KIF1A: variants seen among roughly 807,000 people sequenced by gnomAD.
KIF1A encodes the protein kinesin-like protein KIF1A.
A neutral mutation model predicts 227.3 loss-of-function variants in KIF1A; 46 were observed. That is an observed-to-expected ratio of 0.20 (90% confidence interval 0.16 to 0.26). The LOEUF (loss-of-function observed/expected upper bound fraction) is 0.26. KIF1A is among the 10% of genes least tolerant of loss of function. The pLI is 1.00. For missense variants in KIF1A, 1,683 were observed against 2,485.9 expected (o/e 0.68, Z 6.87); for synonymous variants, 1,022 against 1,012.8 (o/e 1.01, Z -0.17).
chr2:240,746,280 C>T, intron 29 of KIF1A, 103 bp from the exon 30 acceptor site: 2 of 1,411,510 alleles, frequency 1.4e-6, no homozygotes, highest in Non-Finnish European at 1.9e-6. Flanking sequence ...CACCCAGAGC[C>T]TGGGCTGGGG....
chr2:240,717,180 C>A lies in KIF1A; in HGVS notation c.*184G>T, dbSNP rs954396239. The A allele has an allele frequency of 3.6e-6, 2 of 560,108 alleles. No homozygotes were observed. The highest frequency in any genetic ancestry group is 6.3e-6 in the Non-Finnish European group (2 of 315,142). The allele number at this position is 560,108 out of a possible 1,614,324, so 34.7% of individuals were successfully genotyped here. ...CTGCAAGAAGAACTGACACGCACAG[C>A]CTCTGCTGGGAGCACAGCTGGTCGT... is the stretch of plus-strand genomic sequence containing the variant. On this transcript the variant is annotated 3_prime_UTR_variant, in exon 49 of 49. Transcript: ENST00000498729.
chr2:240,782,145 C>T lies in KIF1A; in HGVS notation c.882+445G>A, dbSNP rs1036454809. On this transcript the variant is annotated intron_variant, in intron 10 of 48. Coordinates refer to ENST00000498729, the MANE Select transcript of KIF1A (RefSeq NM_001244008.2). ...AGGCAGCTTCACACGTGGCGCGCTC[C>T]GCGGCACCTCCGACTCCACACGCGC... 144 of 985,360 alleles carry T rather than the reference C, an allele frequency of 1.5e-4. No homozygotes were observed. The Middle Eastern group carries it at 1.6e-3, about 11-fold the overall frequency. 61.0% of individuals were successfully genotyped at this position (985,360 alleles called of 1,614,324 possible). A position where few individuals can be genotyped will look rare whatever the true frequency, so the allele number is the denominator to read the frequency against.
chr2:240,731,357 G>A (rs1446161842), intron 38 of KIF1A, among the ~76,000 whole-genome samples: 2 of 152,240 alleles, frequency 1.3e-5, no homozygotes, highest in Non-Finnish European at 2.9e-5. Context: ...CCACAGGCTT[G>A]AGGAATGCAC....
Position 240,757,019 on chromosome 2 carries a change from C to G in KIF1A, c.2858+300G>C, listed in dbSNP as rs1462058266. On this transcript the variant is annotated intron_variant, in intron 27 of 48. Transcript: ENST00000498729. The surrounding 1 kb of genome is among the most constrained non-coding windows in gnomAD (Gnocchi z 6.2). ...CCTACGGCCTCTCTGCAGAAATAGTCCCACCTGCCTGGGGCCACAGCTGCA... is the reference window on the plus strand; with the variant it reads ...CCTACGGCCTCTCTGCAGAAATAGTGCCACCTGCCTGGGGCCACAGCTGCA... 6.6e-6 allele frequency among the ~76,000 whole-genome samples: 1 copy of G among 152,228 alleles called. No individual in the cohort carries two copies. Among genetic ancestry groups the G allele is most frequent in the Non-Finnish European group, 1.5e-5 (1 of 68,042 alleles).
At chr2:240,723,243 C>T (rs746641240) in intron 42 of KIF1A, among the ~76,000 whole-genome samples, 170 bp downstream of exon 42, 4 of 152,222 alleles carry the variant, frequency 2.6e-5, no homozygotes, top group African/African-American at 9.6e-5. Context: ...CACGCAGCCC[C>T]GCAGTGCACA....
At chr2:240,772,899 C>T (rs1238274969) in intron 13 of KIF1A, among the ~76,000 whole-genome samples, 3 of 152,202 alleles carry the variant, frequency 2.0e-5, no homozygotes, top group African/African-American at 2.4e-5. Flanking sequence ...CCAGGGCCCC[C>T]GCCCGGCCTC....
At chr2:240,737,398 T>C (rs1385287583) in intron 37 of KIF1A, 1 of 467,356 alleles carries the variant, frequency 2.1e-6, no homozygotes, top group East Asian at 3.6e-5. Context: ...TCGGCCACAG[T>C]GAACACCCCC....
chr2:240,725,622 T>A lies in KIF1A; in HGVS notation c.4123-218A>T, dbSNP rs1402952172. The A allele has an allele frequency of 1.4e-5, 8 of 552,414 alleles. No individual in the cohort carries two copies. The Admixed American group carries it at 2.6e-4, about 18-fold the overall frequency. The allele number at this position is 552,414 out of a possible 1,614,324, so 34.2% of individuals were successfully genotyped here. ...AGGTAGCCACAGCTCTGTCCACCCC[T>A]GGGCTGCCTGAGGGACTGGTCTCCA... On this transcript the variant is annotated intron_variant, in intron 39 of 48. Transcript: ENST00000498729. The surrounding 1 kb of genome is among the most constrained non-coding windows in gnomAD (Gnocchi z 5.8).
intron 32 of KIF1A, 92 bp from the exon 33 acceptor site, chr2:240,744,152 GCCCAGATCTGGGAC>G (rs2048322280): frequency 2.3e-6 from 2 of 884,354 alleles, no homozygotes; most frequent in Non-Finnish European, 3.7e-6. Flanking sequence ...AGCGCTTCAG[GCCCAGATCTGGGAC>G]CCCTAGCTGG....
At chr2:240,773,301 C>T (rs1011775372) in intron 12 of KIF1A, 45 bp from the exon 13 acceptor site, 1 of 1,609,914 alleles carries the variant, frequency 6.2e-7, no homozygotes, top group Admixed American at 1.7e-5. Flanking sequence ...GACAGGTCCA[C>T]ATCTGGCAGG....
At chr2:240,721,079 G>T (rs754800562) in intron 44 of KIF1A, 41 bp from the exon 45 acceptor site, 2 of 1,607,352 alleles carry the variant, frequency 1.2e-6, no homozygotes, top group Non-Finnish European at 1.7e-6. Context: ...CAGGGAAGGG[G>T]GGTCTCCGGC....
rs2125923294 is a variant in KIF1A at position 240,766,705 on chromosome 2, T to C, written c.1684+210A>G. Among the ~76,000 whole-genome samples, 1 of 150,216 alleles carries C rather than the reference T, an allele frequency of 6.7e-6. No homozygotes were observed. Among genetic ancestry groups the C allele is most frequent in the African/African-American group, 2.5e-5 (1 of 40,532 alleles). ...TTGTTTTTAAGGCTGGCCCCAAATA[T>C]CTCTCTCTCTCTCCAAATCTCTCTC... On this transcript the variant is annotated intron_variant, in intron 19 of 48. Transcript: ENST00000498729. The surrounding 1 kb of genome is among the most constrained non-coding windows in gnomAD (Gnocchi z 5.0).
rs1559530048 is a variant in KIF1A, at chr2:240,786,768, C to CCATCAGG, written c.430-256_430-255insCCTGATG. Among the ~76,000 whole-genome samples, 42 of 46,966 alleles carry CCATCAGG rather than the reference C, an allele frequency of 8.9e-4. 1 individual carries two copies. The highest frequency in any genetic ancestry group is 3.4e-3 in the African/African-American group (38 of 11,200). 30.8% of individuals were successfully genotyped at this position (46,966 alleles called of 152,430 possible). Reference sequence around the variant, plus strand: ...GGCCCCTGAGTGAGAGGGTAGGGGCCACCATCAGGACCCCTGAGTGAGGGG... The same window carrying CCATCAGG: ...GGCCCCTGAGTGAGAGGGTAGGGGCCCATCAGGACCATCAGGACCCCTGAGTGAGGGG... On this transcript the variant is annotated intron_variant, in intron 5 of 48. Transcript: ENST00000498729.
At chr2:240,774,328 C>T (rs191436879) in intron 11 of KIF1A, 67 bp from the exon 12 acceptor site, 48 of 1,047,224 alleles carry the variant, frequency 4.6e-5, no homozygotes, top group Non-Finnish European at 6.6e-5. Context: ...CTGCTCCCCC[C>T]TTCCCCCCAC....
intron 8 of KIF1A, among the ~76,000 whole-genome samples, 176 bp downstream of exon 8, chr2:240,783,563 C>T (rs746912001): frequency 7.9e-5 from 12 of 152,194 alleles, no homozygotes; most frequent in South Asian, 2.1e-4. Context: ...GCTGGTGCCC[C>T]GGGCATGGCC....
chr2:240,803,084 C>CA (rs1016873612), intron 1 of KIF1A, among the ~76,000 whole-genome samples: 19 of 151,980 alleles, frequency 1.3e-4, no homozygotes, highest in East Asian at 1.2e-3. Flanking sequence ...TCAATACCCT[C>CA]AAAAAAAATC....
chr2:240,745,360 C>T, intron 32 of KIF1A, 67 bp downstream of exon 32: 1 of 1,215,210 alleles, frequency 8.2e-7, no homozygotes, highest in Non-Finnish European at 1.2e-6. Context: ...GAGAATGAGC[C>T]ATGCTCAGAG....
In KIF1A at chr2:240,726,673, G is replaced by GTTTTTGTTT. The variant is rs2046047982; in HGVS notation, c.4122+144_4122+152dup. Among the ~76,000 whole-genome samples, 1 of 152,084 alleles carries GTTTTTGTTT rather than the reference G, an allele frequency of 6.6e-6. No individual in the cohort carries two copies. The highest frequency in any genetic ancestry group is 2.4e-5 in the African/African-American group (1 of 41,432). On this transcript the variant is annotated intron_variant, in intron 39 of 48. Coordinates refer to ENST00000498729, the MANE Select transcript of KIF1A (RefSeq NM_001244008.2). The surrounding 1 kb of genome is among the most constrained non-coding windows in gnomAD (Gnocchi z 5.2). ...GATTCAACCTTGCAGTCCAGTTTTT[G>GTTTTTGTTT]TTTTTGTTTTTTAAAAGGCACACAA...
Position 240,757,180 on chromosome 2 carries a change from A to G in KIF1A, c.2858+139T>C. ...CCGGGGGCCCTCGGGTGCTCTCCTCAGGAGGCCAGCCCCTCCACCTGCCTC... is the reference window on the plus strand; with the variant it reads ...CCGGGGGCCCTCGGGTGCTCTCCTCGGGAGGCCAGCCCCTCCACCTGCCTC... On this transcript the variant is annotated intron_variant, in intron 27 of 48. Transcript: ENST00000498729. The surrounding 1 kb of genome is among the most constrained non-coding windows in gnomAD (Gnocchi z 6.2). 1 of 829,602 alleles carries G rather than the reference A, an allele frequency of 1.2e-6. No individual in the cohort carries two copies. The highest frequency in any genetic ancestry group is 1.9e-6 in the Non-Finnish European group (1 of 526,184). 51.4% of individuals were successfully genotyped at this position (829,602 alleles called of 1,614,324 possible).
Sources: allele counts gnomAD v4.1 joint callset (sites outside exome capture counted in the v4.1 genomes callset), GRCh38; gene constraint gnomAD v4.1.1; non-coding constraint Gnocchi (gnomAD v3.1); transcripts MANE v1.5; gene names NCBI Gene and HGNC (gene_info 2026-07-23, HGNC 2026-07-21).